The following DAD1 variants were observed in gnomAD, a reference collection of about 807,000 sequenced individuals.
DAD1 encodes the protein dolichyl-diphosphooligosaccharide--protein glycosyltransferase subunit DAD1.
DAD1 carries 4 observed loss-of-function variants against 9.0 expected under a neutral mutation model. The observed-to-expected ratio is 0.44, with a 90% CI of 0.22 to 1.01. The LOEUF is 1.01. Ranked by LOEUF, DAD1 falls within the 50% of genes least tolerant of loss-of-function variation. DAD1 has a pLI of 0.24. For synonymous variants in DAD1, 60 were observed against 62.5 expected, an observed-to-expected ratio of 0.96 and a Z score of 0.19; for missense variants, 119 against 137.3, an observed-to-expected ratio of 0.87 and a Z score of 0.67.
intron 2 of DAD1, 111 bp from the exon 3 acceptor site, chr14:22,565,248 G>T: frequency 1.7e-6 from 1 of 605,470 alleles, no homozygotes; most frequent in South Asian, 1.9e-5. Flanking sequence ...CCCACACTCA[G>T]GACAATATTT....
At chr14:22,579,840 C>CTTT (rs34081969) in intron 1 of DAD1, among the ~76,000 whole-genome samples, 35,981 of 129,046 alleles carry the variant, frequency 0.28, 5,407 homozygotes, top group African/African-American at 0.33. Flanking sequence ...AAAGCCAATC[C>CTTT]TTTTTTTTTT....
At chr14:22,585,947 C>T (rs1033863439) in intron 1 of DAD1, among the ~76,000 whole-genome samples, 1 of 152,240 alleles carries the variant, frequency 6.6e-6, no homozygotes, top group Non-Finnish European at 1.5e-5. Flanking sequence ...TGGCTCACGC[C>T]TGTAATCCCA....
chr14:22,587,100 A>G (rs942913743), intron 1 of DAD1, among the ~76,000 whole-genome samples: 6 of 152,232 alleles, frequency 3.9e-5, no homozygotes, highest in Admixed American at 3.9e-4. Flanking sequence ...ACGGGCTCAA[A>G]AACAGGTCTT....
At chr14:22,586,912 T>C (rs1420471732) in intron 1 of DAD1, among the ~76,000 whole-genome samples, 1 of 152,212 alleles carries the variant, frequency 6.6e-6, no homozygotes, top group East Asian at 1.9e-4. Flanking sequence ...TTTCTTGAAG[T>C]TGCTTTCATT....
At chr14:22,571,135 A>C (rs1485768350) in intron 2 of DAD1, among the ~76,000 whole-genome samples, 2 of 151,882 alleles carry the variant, frequency 1.3e-5, no homozygotes, top group African/African-American at 4.8e-5. Context: ...CAGCCTAGCC[A>C]ACAGAGTGAA....
intron 1 of DAD1, among the ~76,000 whole-genome samples, chr14:22,588,316 G>A (rs2037167773): frequency 6.6e-6 from 1 of 152,170 alleles, no homozygotes; most frequent in African/African-American, 2.4e-5. Context: ...AAAAATTGAT[G>A]GAGACTGTTC....
intron 1 of DAD1, 24 bp from the exon 2 acceptor site, chr14:22,575,257 A>G (rs754303885): frequency 6.2e-7 from 1 of 1,612,562 alleles, no homozygotes; most frequent in Non-Finnish European, 8.5e-7. Flanking sequence ...AAAACACAAA[A>G]AAATGATTAT....
rs1182544456 is a variant in DAD1 at position 22,588,957 on chromosome 14, G to A, written c.201C>T (p.Phe67=). 6 of 1,614,140 alleles carry A rather than the reference G, an allele frequency of 3.7e-6. No individual in the cohort carries two copies. Among genetic ancestry groups the A allele is most frequent in the Non-Finnish European group, 5.1e-6 (6 of 1,180,016 alleles). Residue 67 remains phenylalanine (F), a synonymous_variant, in exon 1 of 3, where the codon TTC becomes TTT. Transcript: ENST00000250498. ...LSGFISCVGS[F]ILAVCLRIQI... ...TTATAGAACCATTACCCGCTAGGATGAAACTCCCCACACAAGAGATGAAGC... is the reference window on the plus strand; with the variant it reads ...TTATAGAACCATTACCCGCTAGGATAAAACTCCCCACACAAGAGATGAAGC...
At chr14:22,582,800 G>T (rs1427949414) in intron 1 of DAD1, among the ~76,000 whole-genome samples, 3 of 152,154 alleles carry the variant, frequency 2.0e-5, no homozygotes, top group Non-Finnish European at 2.9e-5. Flanking sequence ...GAGGTCAGGA[G>T]TTCGTGACCA....
intron 1 of DAD1, among the ~76,000 whole-genome samples, chr14:22,583,005 C>CAAAAAAA (rs60692589): frequency 0.019 from 1,748 of 91,424 alleles, 81 homozygotes; most frequent in African/African-American, 0.067. Flanking sequence ...GACTATGTCT[C>CAAAAAAA]AAAAAAAAAA....
At chr14:22,574,566 T>A (rs772129243) in intron 2 of DAD1, among the ~76,000 whole-genome samples, 1 of 152,206 alleles carries the variant, frequency 6.6e-6, no homozygotes, top group Non-Finnish European at 1.5e-5. Context: ...TCTCCCAAGT[T>A]AACCCAATTT....
At chr14:22,588,862 G>A in intron 1 of DAD1, 85 bp downstream of exon 1, 1 of 1,329,668 alleles carries the variant, frequency 7.5e-7, no homozygotes, top group Non-Finnish European at 1.0e-6. Flanking sequence ...TTCAAGGGGC[G>A]GTGGTCTGAT....
intron 1 of DAD1, among the ~76,000 whole-genome samples, chr14:22,582,919 T>G (rs1437195781): frequency 4.7e-5 from 7 of 149,796 alleles, no homozygotes; most frequent in South Asian, 4.2e-4. Flanking sequence ...GGCAGGAGAA[T>G]TGCTTAAACC....
At chr14:22,565,405 C>T (rs1459425790) in intron 2 of DAD1, among the ~76,000 whole-genome samples, 1 of 152,198 alleles carries the variant, frequency 6.6e-6, no homozygotes, top group African/African-American at 2.4e-5. Flanking sequence ...TGTCCTAACT[C>T]CAGCTCTACC....
intron 2 of DAD1, among the ~76,000 whole-genome samples, chr14:22,574,262 TA>T (rs1237447179): frequency 6.6e-6 from 1 of 152,156 alleles, no homozygotes; most frequent in Non-Finnish European, 1.5e-5. Context: ...GTCTCATATA[TA>T]AAGTAACAGT....
intron 1 of DAD1, among the ~76,000 whole-genome samples, chr14:22,579,617 A>C (rs1269998433): frequency 6.6e-6 from 1 of 152,184 alleles, no homozygotes; most frequent in East Asian, 1.9e-4. Context: ...ATTTAAAATG[A>C]TTTTACCTTT....
At chr14:22,571,172 A>C (rs530541708) in intron 2 of DAD1, among the ~76,000 whole-genome samples, 3 of 151,864 alleles carry the variant, frequency 2.0e-5, no homozygotes, top group Non-Finnish European at 4.4e-5. Context: ...AAATACAAAA[A>C]CTAGCCGGGC....
In DAD1 at chr14:22,575,220, T is replaced by C; in HGVS notation, c.225A>G (p.Ile75Met). The change falls in exon 2 of 3, where the codon ATA (isoleucine) becomes ATG (methionine). Residue 75 changes from isoleucine (I) to methionine (M), a missense_variant. Physicochemically the swap from Ile to Met is conservative, Grantham distance 10. Coordinates refer to ENST00000250498, the MANE Select transcript of DAD1 (RefSeq NM_001344.4). ...GSFILAVCLR[I>M]QINPQNKADF... is the part of the protein sequence containing the mutation. ...CCGCTTTGTTCTGTGGGTTGATCTG[T>C]ATTCTCAGGCAAACTGCACAAGAAG... 1 of 1,613,816 alleles carries C rather than the reference T, an allele frequency of 6.2e-7. No homozygotes were observed. The highest frequency in any genetic ancestry group is 8.5e-7 in the Non-Finnish European group (1 of 1,179,916).
At chr14:22,587,172 A>T (rs2037158395) in intron 1 of DAD1, among the ~76,000 whole-genome samples, 1 of 152,194 alleles carries the variant, frequency 6.6e-6, no homozygotes. Context: ...GATAATCTAT[A>T]ACTCTAGTCC....
Sources: allele counts gnomAD v4.1 joint callset (sites outside exome capture counted in the v4.1 genomes callset), GRCh38; gene constraint gnomAD v4.1.1; transcripts MANE v1.5; gene names NCBI Gene and HGNC (gene_info 2026-07-23, HGNC 2026-07-21).